GABRG3: variants seen among roughly 807,000 people sequenced by gnomAD.
The protein encoded by GABRG3 is gamma-aminobutyric acid receptor subunit gamma-3.
In GABRG3, 25 loss-of-function variants were observed where a neutral mutation model predicts 48.8. That is an observed-to-expected ratio of 0.51 (90% CI 0.37 to 0.72). The LOEUF is 0.72. Ranked by LOEUF, GABRG3 falls within the 30% of genes least tolerant of loss-of-function variation. GABRG3 has a pLI of 0.00. For missense variants in GABRG3, 394 were observed against 577.9 expected, an observed-to-expected ratio of 0.68 and a Z score of 3.26; for synonymous variants, 227 against 217.6, an observed-to-expected ratio of 1.04 and a Z score of -0.38.
rs1263130219 is a variant in GABRG3 at position 26,976,994 on chromosome 15, A to G, written c.54-8A>G. Reference sequence around the variant, plus strand: ...CTTATATGTCGCATTTTTGTGCTGTAACTCCAGGTCCAGAAAGGTGGAAGA... The same window carrying G: ...CTTATATGTCGCATTTTTGTGCTGTGACTCCAGGTCCAGAAAGGTGGAAGA... On this transcript the variant is annotated splice_region_variant and splice_polypyrimidine_tract_variant and intron_variant, in intron 1 of 9. Coordinates refer to ENST00000615808, the MANE Select transcript of GABRG3 (RefSeq NM_033223.5). This position sits in a 1 kb window ranked among gnomAD's most constrained non-coding sequence, Gnocchi z 7.8. 1 of 1,613,738 alleles carries G rather than the reference A, an allele frequency of 6.2e-7. No homozygotes were observed. Among genetic ancestry groups the G allele is most frequent in the African/African-American group, 1.3e-5 (1 of 74,906 alleles).
intron 3 of GABRG3, among the ~76,000 whole-genome samples, chr15:27,091,836 G>A (rs1897191104): frequency 6.6e-6 from 1 of 152,146 alleles, no homozygotes. Context: ...CTGCATCGTG[G>A]GGCAGAGCTA....
At chr15:27,520,222 T>C in intron 7 of GABRG3, 98 bp downstream of exon 7, 1 of 1,183,742 alleles carries the variant, frequency 8.4e-7, no homozygotes, top group Non-Finnish European at 1.2e-6. Context: ...TAAATGTGAA[T>C]GATCTCATTT....
intron 5 of GABRG3, among the ~76,000 whole-genome samples, chr15:27,407,759 A>G (rs1381959822): frequency 6.6e-6 from 1 of 152,218 alleles, no homozygotes; most frequent in African/African-American, 2.4e-5. Context: ...GGAAAAGGTA[A>G]AACTATGGAG....
chr15:27,503,166 C>T (rs1890683590), intron 6 of GABRG3, among the ~76,000 whole-genome samples: 1 of 152,170 alleles, frequency 6.6e-6, no homozygotes, highest in Non-Finnish European at 1.5e-5. Flanking sequence ...AGGCTGCCAG[C>T]CATCAGTCAA....
chr15:27,306,711 C>T (rs1208322775), intron 3 of GABRG3, among the ~76,000 whole-genome samples: 1 of 116,240 alleles, frequency 8.6e-6, no homozygotes, highest in Non-Finnish European at 1.7e-5. Flanking sequence ...TAAACATATA[C>T]AATATAAACA....
intron 3 of GABRG3, among the ~76,000 whole-genome samples, chr15:27,261,618 C>T (rs1890771312): frequency 6.6e-6 from 1 of 151,430 alleles, no homozygotes; most frequent in Non-Finnish European, 1.5e-5. Context: ...ATTTTTAAAA[C>T]ATATGAAATA....
At chr15:27,083,645 A>G (rs1389010069) in intron 3 of GABRG3, among the ~76,000 whole-genome samples, 1 of 152,110 alleles carries the variant, frequency 6.6e-6, no homozygotes, top group Non-Finnish European at 1.5e-5. Flanking sequence ...ATTTTCAATT[A>G]ATTCCCATGA....
At chr15:27,423,721 CTTT>C (rs542775399) in intron 5 of GABRG3, among the ~76,000 whole-genome samples, 446 of 81,712 alleles carry the variant, frequency 5.5e-3, no homozygotes, top group African/African-American at 0.025. Flanking sequence ...TTTTCTTTTC[CTTT>C]TTTTTTTTTT....
chr15:27,140,766 A>G (rs945032628), intron 3 of GABRG3, among the ~76,000 whole-genome samples: 2 of 152,040 alleles, frequency 1.3e-5, no homozygotes, highest in African/African-American at 4.8e-5. Context: ...TCTTTTTGAG[A>G]ATATTAATTG....
At chr15:27,506,788 T>C (rs1025157283) in intron 6 of GABRG3, among the ~76,000 whole-genome samples, 1 of 151,640 alleles carries the variant, frequency 6.6e-6, no homozygotes, top group African/African-American at 2.4e-5. Context: ...AAGCAACTTT[T>C]GGGTTTTTTT....
intron 9 of GABRG3, 119 bp from the exon 10 acceptor site, chr15:27,532,481 A>AC: frequency 1.2e-6 from 1 of 812,472 alleles, no homozygotes; most frequent in Non-Finnish European, 1.8e-6. Flanking sequence ...GGAAGGGCAC[A>AC]CCCACGCATC....
At chr15:27,519,229 A>G (rs1191598030) in intron 6 of GABRG3, among the ~76,000 whole-genome samples, 1 of 152,108 alleles carries the variant, frequency 6.6e-6, no homozygotes, top group Non-Finnish European at 1.5e-5. Flanking sequence ...ACAAGAAATC[A>G]ATGGAGATGC....
Position 27,345,300 on chromosome 15 carries a change from G to A in GABRG3, c.574+16412G>A, listed in dbSNP as rs569056499. Among the ~76,000 whole-genome samples, 14 of 152,164 alleles carry A rather than the reference G, an allele frequency of 9.2e-5. No individual in the cohort carries two copies. The South Asian group carries it at 2.5e-3, about 27-fold the overall frequency. ...TTTTTTAACCTTTTCTGGTTTAATT[G>A]AGCATTTTATGTGATTCCATTTCAA... On this transcript the variant is annotated intron_variant, in intron 5 of 9. Coordinates refer to ENST00000615808, the MANE Select transcript of GABRG3 (RefSeq NM_033223.5).
intron 2 of GABRG3, among the ~76,000 whole-genome samples, chr15:26,983,209 A>G (rs1365674438): frequency 1.3e-5 from 2 of 149,906 alleles, no homozygotes; most frequent in Admixed American, 6.7e-5. Context: ...AGGCCTTCTC[A>G]TCCCTTATCA....
intron 3 of GABRG3, among the ~76,000 whole-genome samples, chr15:27,311,400 C>T (rs1892987811): frequency 6.6e-6 from 1 of 152,118 alleles, no homozygotes; most frequent in African/African-American, 2.4e-5. Flanking sequence ...CCCCACTTTG[C>T]TGGGAGATAC....
At position 27,349,551 on chromosome 15, in the gene GABRG3, C is replaced by T. The variant is rs183896256; in HGVS notation, c.574+20663C>T. 3.3e-5 allele frequency among the ~76,000 whole-genome samples: 5 copies of T among 152,320 alleles called. No homozygotes were observed. The South Asian group carries it at 8.3e-4, about 25-fold the overall frequency. ...GGTTGGTGTCCTTGGCTTCCACTCT[C>T]AATGGGACACTGCAGAAGCTGCTGG... On this transcript the variant is annotated intron_variant, in intron 5 of 9. Coordinates refer to ENST00000615808, the MANE Select transcript of GABRG3 (RefSeq NM_033223.5).
intron 5 of GABRG3, among the ~76,000 whole-genome samples, chr15:27,461,482 A>T (rs1441123350): frequency 6.6e-6 from 1 of 152,176 alleles, no homozygotes; most frequent in Non-Finnish European, 1.5e-5. Context: ...GATAGTGCCC[A>T]CCCAAAGAGT....
intron 6 of GABRG3, 131 bp from the exon 7 acceptor site, chr15:27,519,841 C>T: frequency 1.5e-6 from 1 of 679,830 alleles, no homozygotes; most frequent in African/African-American, 1.8e-5. Context: ...GATCCATTTC[C>T]TGATTTGATA....
intron 3 of GABRG3, among the ~76,000 whole-genome samples, chr15:27,303,922 G>C (rs1237045994): frequency 6.6e-6 from 1 of 151,624 alleles, no homozygotes; most frequent in African/African-American, 2.4e-5. Context: ...AGGAATACAA[G>C]ACTAGTTCAG....
Sources: allele counts gnomAD v4.1 joint callset (sites outside exome capture counted in the v4.1 genomes callset), GRCh38; gene constraint gnomAD v4.1.1; non-coding constraint Gnocchi (gnomAD v3.1); transcripts MANE v1.5; gene names NCBI Gene and HGNC (gene_info 2026-07-23, HGNC 2026-07-21).